The following AGBL4 variants were observed in gnomAD, a reference collection of about 807,000 sequenced individuals.
AGBL4 encodes the protein AGBL carboxypeptidase 4.
Under a neutral mutation model 66.4 loss-of-function variants are expected in AGBL4, and 58 were observed. The ratio of observed to expected loss-of-function variants is 0.87; its 90% confidence interval spans 0.71 to 1.09. AGBL4 has a LOEUF of 1.09. Among genes scored for constraint, AGBL4 ranks in the 50% least tolerant of loss-of-function variants. The probability of loss-of-function intolerance (pLI) is 0.00; values close to 1 mark genes in which losing one functional copy is unlikely to be tolerated. For synonymous variants in AGBL4, 234 were observed against 222.9 expected (o/e 1.05, Z -0.44); for missense variants, 579 against 631.0 (o/e 0.92, Z 0.88).
chr1:48,728,609 C>T (rs930945674), intron 6 of AGBL4, among the ~76,000 whole-genome samples: 2 of 151,472 alleles, frequency 1.3e-5, no homozygotes, highest in East Asian at 3.9e-4. Flanking sequence ...TTTGTTTTAT[C>T]CATTTTATTG....
chr1:48,538,541 C>T (rs1277242707), intron 12 of AGBL4, among the ~76,000 whole-genome samples: 6 of 152,178 alleles, frequency 3.9e-5, no homozygotes, highest in South Asian at 2.1e-4. Context: ...GACTTCAATT[C>T]AGCTTTCAAA....
intron 3 of AGBL4, among the ~76,000 whole-genome samples, chr1:49,471,170 T>C (rs1355754552): frequency 6.6e-6 from 1 of 151,930 alleles, no homozygotes; most frequent in East Asian, 1.9e-4. Flanking sequence ...AGGAAAAACT[T>C]TCTAGTCAAC....
At chr1:49,515,380 AGGAAACAACAGGTGCT>A (rs1649697646) in intron 3 of AGBL4, among the ~76,000 whole-genome samples, 1 of 152,136 alleles carries the variant, frequency 6.6e-6, no homozygotes, top group Non-Finnish European at 1.5e-5. Context: ...TTAAAAAGTC[AGGAAACAACAGGTGCT>A]GGAGAGGATG....
rs1012529035 is a variant in AGBL4, at chr1:49,764,966, T to C, written c.158-67529A>G. Among the ~76,000 whole-genome samples the C allele has an allele frequency of 2.0e-5, 3 of 152,090 alleles. No homozygotes were observed. In the South Asian group the frequency reaches 6.2e-4, roughly 31 times the overall value. ...GGAAAACAGATCAAGTTTGAGCCTA[T>C]ATAGGATGCAGAGCAAGTGCAGCCC... On this transcript the variant is annotated intron_variant, in intron 2 of 13. Coordinates refer to ENST00000371839, the MANE Select transcript of AGBL4 (RefSeq NM_032785.4).
intron 3 of AGBL4, among the ~76,000 whole-genome samples, chr1:49,589,485 A>C (rs1644713419): frequency 1.3e-5 from 2 of 152,110 alleles, no homozygotes; most frequent in South Asian, 4.1e-4. Context: ...AGAGACCAAA[A>C]AGCAGAGTGT....
At chr1:49,161,625 T>C (rs940025692) in intron 4 of AGBL4, among the ~76,000 whole-genome samples, 2 of 152,186 alleles carry the variant, frequency 1.3e-5, no homozygotes, top group African/African-American at 2.4e-5. Context: ...TAGTTTCACA[T>C]CTGGACACTC....
At chr1:49,783,035 T>G (rs1312450998) in intron 2 of AGBL4, among the ~76,000 whole-genome samples, 1 of 151,898 alleles carries the variant, frequency 6.6e-6, no homozygotes, top group South Asian at 2.1e-4. Context: ...TGTCAGTACA[T>G]AGCAAGAAGG....
chr1:49,115,931 G>GT (rs1345753845), intron 4 of AGBL4, among the ~76,000 whole-genome samples: 1 of 152,094 alleles, frequency 6.6e-6, no homozygotes, highest in Non-Finnish European at 1.5e-5. Flanking sequence ...AAGAAATGCT[G>GT]TATCTCCATG....
chr1:49,984,611 C>T (rs983509458), intron 1 of AGBL4, among the ~76,000 whole-genome samples: 1 of 152,136 alleles, frequency 6.6e-6, no homozygotes, highest in African/African-American at 2.4e-5. Flanking sequence ...TTGGTCTTTG[C>T]CAGAGGCACA....
At chr1:49,809,274 T>C (rs1398575003) in intron 2 of AGBL4, among the ~76,000 whole-genome samples, 1 of 151,660 alleles carries the variant, frequency 6.6e-6, no homozygotes, top group Non-Finnish European at 1.5e-5. Flanking sequence ...GTCATTTACA[T>C]TAGGTATTTC....
intron 2 of AGBL4, among the ~76,000 whole-genome samples, chr1:49,707,779 C>A (rs1276850994): frequency 6.6e-6 from 1 of 152,024 alleles, no homozygotes; most frequent in Non-Finnish European, 1.5e-5. Context: ...ATTTGATTGT[C>A]CATAAAGGAT....
At chr1:49,262,130 C>T (rs1447295520) in intron 3 of AGBL4, among the ~76,000 whole-genome samples, 1 of 152,118 alleles carries the variant, frequency 6.6e-6, no homozygotes, top group Non-Finnish European at 1.5e-5. Flanking sequence ...AAACTGGATA[C>T]CTTCCTTACA....
At chr1:48,987,600 T>C (rs920297851) in intron 5 of AGBL4, among the ~76,000 whole-genome samples, 1 of 152,102 alleles carries the variant, frequency 6.6e-6, no homozygotes, top group Non-Finnish European at 1.5e-5. Context: ...ACAGATTACA[T>C]AGATAGAAAA....
chr1:48,948,058 C>T (rs776858840), intron 5 of AGBL4, among the ~76,000 whole-genome samples: 14 of 152,224 alleles, frequency 9.2e-5, no homozygotes, highest in South Asian at 6.2e-4. Context: ...CATCATCCCA[C>T]GAAAGCAAGA....
At chr1:49,153,105 C>T (rs1350386045) in intron 4 of AGBL4, among the ~76,000 whole-genome samples, 2 of 152,068 alleles carry the variant, frequency 1.3e-5, no homozygotes, top group Admixed American at 1.3e-4. Context: ...GCTTTGATAC[C>T]ACCTGGATTC....
chr1:49,335,206 C>G (rs1247862348), intron 3 of AGBL4, among the ~76,000 whole-genome samples: 4 of 152,210 alleles, frequency 2.6e-5, no homozygotes, highest in African/African-American at 9.7e-5. Flanking sequence ...TTGCTCAGGT[C>G]AAAAGCCTAT....
intron 4 of AGBL4, among the ~76,000 whole-genome samples, chr1:49,132,375 C>G (rs893087115): frequency 1.3e-5 from 2 of 152,004 alleles, no homozygotes; most frequent in Non-Finnish European, 2.9e-5. Flanking sequence ...TTTTTATCCT[C>G]CAGCTAGCTC....
At chr1:48,858,620 A>C (rs1647246626) in intron 6 of AGBL4, among the ~76,000 whole-genome samples, 1 of 152,230 alleles carries the variant, frequency 6.6e-6, no homozygotes, top group Non-Finnish European at 1.5e-5. Context: ...AAATGTCCAC[A>C]ATAGGCAAAT....
At chr1:49,705,011 T>C (rs770187035) in intron 2 of AGBL4, among the ~76,000 whole-genome samples, 1 of 152,200 alleles carries the variant, frequency 6.6e-6, no homozygotes, top group East Asian at 1.9e-4. Context: ...ATAAATTACT[T>C]TGGGCAGTAT....
Sources: allele counts gnomAD v4.1 joint callset (sites outside exome capture counted in the v4.1 genomes callset), GRCh38; gene constraint gnomAD v4.1.1; transcripts MANE v1.5; gene names NCBI Gene and HGNC (gene_info 2026-07-23, HGNC 2026-07-21).